Variants in SPIDR observed in about 807,000 individuals in gnomAD.
SPIDR encodes DNA repair-scaffolding protein.
In SPIDR, 93 loss-of-function variants were observed where a neutral mutation model predicts 104.6. That is an observed-to-expected ratio of 0.89 (90% CI 0.75 to 1.06). The LOEUF is 1.06. Ranked by LOEUF, SPIDR falls within the 50% of genes least tolerant of loss-of-function variation. SPIDR has a pLI of 0.00. For synonymous variants in SPIDR, 431 were observed against 416.9 expected (o/e 1.03, Z -0.41); for missense variants, 1,154 against 1,111.2 (o/e 1.04, Z -0.55).
intron 10 of SPIDR, among the ~76,000 whole-genome samples, chr8:47,666,551 T>G (rs1388319698): frequency 1.3e-5 from 2 of 152,230 alleles, no homozygotes; most frequent in East Asian, 1.9e-4. Context: ...GTATGGTTTT[T>G]GGGCAAGATA....
chr8:47,598,964 G>A lies in SPIDR; in HGVS notation c.1312G>A (p.Ala438Thr). 1.9e-6 allele frequency: 3 copies of A among 1,613,930 alleles called. No individual in the cohort carries two copies. Among genetic ancestry groups the A allele is most frequent in the Non-Finnish European group, 2.5e-6 (3 of 1,179,936 alleles). Residue 438 changes from alanine (A) to threonine (T), a missense_variant, in exon 10 of 20, where the codon GCC becomes ACC. Transcript: ENST00000297423. The stretch of plus-strand genomic sequence containing the variant: ...TGGCCAGGTTGTGTGTAGTGGTGTA[G>A]CCACTACAGGGACAGCCTGGACCCA... ...PEIQVVCSGV[A>T]TTGTAWTHGH...
At chr8:47,665,244 C>G (rs943666395) in intron 10 of SPIDR, among the ~76,000 whole-genome samples, 1 of 152,206 alleles carries the variant, frequency 6.6e-6, no homozygotes, top group Admixed American at 6.5e-5. Flanking sequence ...GACAGTCTAG[C>G]TGACTTCTCA....
intron 7 of SPIDR, chr8:47,419,415 T>A (rs1243332045): frequency 3.9e-5 from 6 of 152,248 alleles, no homozygotes; most frequent in Admixed American, 2.6e-4. Flanking sequence ...TAGAGGTGTC[T>A]ATATTATTCT....
intron 8 of SPIDR, among the ~76,000 whole-genome samples, chr8:47,485,774 C>G (rs2077513021): frequency 6.6e-6 from 1 of 152,238 alleles, no homozygotes; most frequent in African/African-American, 2.4e-5. Context: ...CAAACTCCAA[C>G]AGACCTGCAG....
chr8:47,473,284 T>C (rs1485288417), intron 8 of SPIDR, among the ~76,000 whole-genome samples: 1 of 152,234 alleles, frequency 6.6e-6, no homozygotes, highest in Non-Finnish European at 1.5e-5. Flanking sequence ...CCAGCTAGAA[T>C]GAAGAAGGTT....
chr8:47,641,834 TA>T (rs2069071471), intron 10 of SPIDR, among the ~76,000 whole-genome samples: 1 of 152,190 alleles, frequency 6.6e-6, no homozygotes, highest in Admixed American at 6.5e-5. Context: ...TTGAATTCCC[TA>T]AACTTCTGGG....
chr8:47,362,649 GGTTT>G (rs139517851), intron 5 of SPIDR, among the ~76,000 whole-genome samples: 2,864 of 152,192 alleles, frequency 0.019, 40 homozygotes, highest in Middle Eastern at 0.037. Context: ...GTTTTTTGTT[GGTTT>G]GTTTTGTTTT....
At chr8:47,510,527 G>C (rs971640252) in intron 8 of SPIDR, among the ~76,000 whole-genome samples, 3 of 151,582 alleles carry the variant, frequency 2.0e-5, no homozygotes, top group African/African-American at 4.8e-5. Flanking sequence ...CAGTTTTAGA[G>C]TTTCATAAAG....
intron 5 of SPIDR, among the ~76,000 whole-genome samples, chr8:47,357,606 A>G (rs1192239546): frequency 6.6e-6 from 1 of 152,204 alleles, no homozygotes; most frequent in Admixed American, 6.5e-5. Flanking sequence ...TGATGGAGCA[A>G]GGTAGCATTT....
chr8:47,605,943 GA>G (rs1330105346), intron 10 of SPIDR, among the ~76,000 whole-genome samples: 1 of 152,200 alleles, frequency 6.6e-6, no homozygotes, highest in East Asian at 1.9e-4. Flanking sequence ...GGCTGCTGAG[GA>G]AGCTTGCTTG....
At chr8:47,557,529 G>A (rs1384313605) in intron 8 of SPIDR, among the ~76,000 whole-genome samples, 1 of 152,090 alleles carries the variant, frequency 6.6e-6, no homozygotes, top group Non-Finnish European at 1.5e-5. Flanking sequence ...TATAATATTT[G>A]GTGTATGTAT....
intron 5 of SPIDR, among the ~76,000 whole-genome samples, chr8:47,308,328 G>T (rs2043479606): frequency 6.6e-6 from 1 of 150,712 alleles, no homozygotes; most frequent in African/African-American, 2.4e-5. Context: ...CTCCCAAAGT[G>T]CTGAGATTAT....
intron 8 of SPIDR, among the ~76,000 whole-genome samples, chr8:47,443,531 A>G (rs1198268126): frequency 2.8e-5 from 4 of 141,740 alleles, no homozygotes; most frequent in African/African-American, 1.1e-4. Context: ...AGATTGCACC[A>G]CTGCATTCCA....
At chr8:47,313,975 A>G (rs917917307) in intron 5 of SPIDR, among the ~76,000 whole-genome samples, 1 of 152,262 alleles carries the variant, frequency 6.6e-6, no homozygotes, top group Non-Finnish European at 1.5e-5. Flanking sequence ...TTACCAGCTG[A>G]AACTCAGAAC....
intron 10 of SPIDR, among the ~76,000 whole-genome samples, chr8:47,627,359 G>T (rs1198059349): frequency 6.6e-6 from 1 of 151,896 alleles, no homozygotes; most frequent in African/African-American, 2.4e-5. Flanking sequence ...TGCACGTTGT[G>T]CACATGTACC....
chr8:47,511,728 G>C, intron 8 of SPIDR: 3 of 1,255,136 alleles, frequency 2.4e-6, no homozygotes, highest in Admixed American at 3.4e-5. Context: ...CTCCAGGTCT[G>C]TTGGTCACTC....
chr8:47,528,877 A>G (rs573367519), intron 8 of SPIDR, among the ~76,000 whole-genome samples: 4 of 152,348 alleles, frequency 2.6e-5, no homozygotes, highest in East Asian at 1.9e-4. Context: ...AGGAAGTCAA[A>G]AAAAGAATTT....
intron 5 of SPIDR, among the ~76,000 whole-genome samples, chr8:47,371,158 A>G (rs1410932875): frequency 3.3e-5 from 5 of 151,796 alleles, no homozygotes; most frequent in Non-Finnish European, 7.4e-5. Context: ...GGAAAAAAAA[A>G]AGAAAACCAT....
At chr8:47,407,394 A>T (rs1442868648) in intron 6 of SPIDR, among the ~76,000 whole-genome samples, 2 of 152,188 alleles carry the variant, frequency 1.3e-5, no homozygotes, top group Non-Finnish European at 2.9e-5. Flanking sequence ...CTCTGAGCCC[A>T]CTTTACATTT....
Sources: gnomAD v4.1 joint callset for allele counts (sites outside exome capture counted in the v4.1 genomes callset) on GRCh38, gnomAD v4.1.1 for gene constraint, MANE v1.5 for transcripts, NCBI Gene and HGNC (gene_info 2026-07-23, HGNC 2026-07-21) for gene names.